SPATA6L: variants seen among roughly 807,000 people sequenced by gnomAD.
SPATA6L encodes spermatogenesis associated 6-like protein.
In SPATA6L, 68 loss-of-function variants were observed where a neutral mutation model predicts 49.2. That is an observed-to-expected ratio of 1.38 (90% confidence interval 1.14 to 1.69). The LOEUF (loss-of-function observed/expected upper bound fraction) is 1.69. Among genes scored for constraint, SPATA6L ranks in the 40% most tolerant of loss-of-function variants. SPATA6L has a pLI of 0.00. For synonymous variants in SPATA6L, 198 were observed against 165.7 expected, an observed-to-expected ratio of 1.19 and a Z score of -1.50; for missense variants, 668 against 464.3, an observed-to-expected ratio of 1.44 and a Z score of -4.03.
chr9:4,644,061 C>A (rs879726965), intron 3 of SPATA6L, among the ~76,000 whole-genome samples: 6 of 151,422 alleles, frequency 4.0e-5, no homozygotes, highest in Admixed American at 4.0e-4. Context: ...GAAATGACAA[C>A]ATAGGCAAGG....
At position 4,598,648 on chromosome 9, in the gene SPATA6L, T is replaced by A. The variant is rs147473114; in HGVS notation, c.*2163A>T. 4.2e-4 allele frequency among the ~76,000 whole-genome samples: 64 copies of A among 152,348 alleles called. 2 individuals are homozygous for A. The East Asian group carries it at 0.012, about 28-fold the overall frequency. On this transcript the variant is annotated 3_prime_UTR_variant, in exon 12 of 12. Transcript: ENST00000682582. Reference sequence around the variant, plus strand: ...ATTTCAAAAAACACTGAATATTGAATGTCATGGTGTATATTTTAACAATAA... The same window carrying A: ...ATTTCAAAAAACACTGAATATTGAAAGTCATGGTGTATATTTTAACAATAA...
Position 4,661,933 on chromosome 9 carries a change from G to T in SPATA6L, c.143C>A (p.Pro48His). Residue 48 changes from proline (P) to histidine (H), a missense_variant, in exon 2 of 12, where the codon CCC becomes CAC. Transcript: ENST00000682582. ...TCTCATGCTCTCCTGAATCATAATG[G>T]GGAACGCAGAGGGAAAGCTGTTGGT... ...LETNSFPSAFPIMIQESMRFE... is the reference protein window; with the variant it reads ...LETNSFPSAFHIMIQESMRFE... 6.2e-7 allele frequency: 1 copy of T among 1,613,812 alleles called. No homozygotes were observed. The highest frequency in any genetic ancestry group is 8.5e-7 in the Non-Finnish European group (1 of 1,179,840).
At chr9:4,659,658 C>T (rs1382983965) in intron 2 of SPATA6L, among the ~76,000 whole-genome samples, 2 of 152,116 alleles carry the variant, frequency 1.3e-5, no homozygotes, top group East Asian at 3.8e-4. Flanking sequence ...TGACTTTCTT[C>T]ACAGAATTGG....
chr9:4,606,302 C>G (rs968400917), intron 9 of SPATA6L, among the ~76,000 whole-genome samples: 2 of 143,504 alleles, frequency 1.4e-5, no homozygotes, highest in Non-Finnish European at 3.0e-5. Context: ...CACCACAGCT[C>G]AAGGAGGCCT....
rs1375347326 is a variant in SPATA6L, at chr9:4,625,436, G to A, written c.560C>T (p.Pro187Leu). Residue 187 changes from proline to leucine, a missense_variant, in exon 6 of 12, where the codon CCC becomes CTC. Coordinates refer to ENST00000682582, the MANE Select transcript of SPATA6L (RefSeq NM_001353486.2). ...RLPKGMQARA[P>L]SQYSTRHFFQ... is the part of the protein sequence containing the mutation. ...GAAATGCCTGGTAGAATATTGAGAGGGCGCCCGGGCTTGCATGCCTTTGGG... is the reference window on the plus strand; with the variant it reads ...GAAATGCCTGGTAGAATATTGAGAGAGCGCCCGGGCTTGCATGCCTTTGGG... The A allele has an allele frequency of 1.2e-6, 2 of 1,614,120 alleles. No homozygotes were observed. The highest frequency in any genetic ancestry group is 1.7e-5 in the Admixed American group (1 of 60,008).
chr9:4,621,329 C>G (rs530179663), intron 7 of SPATA6L, among the ~76,000 whole-genome samples: 1 of 152,326 alleles, frequency 6.6e-6, no homozygotes, highest in East Asian at 1.9e-4. Flanking sequence ...GTACCCAAGA[C>G]CTTTCAGGAG....
intron 9 of SPATA6L, among the ~76,000 whole-genome samples, chr9:4,608,882 AATAG>A (rs1361419044): frequency 1.6e-4 from 25 of 152,196 alleles, no homozygotes; most frequent in African/African-American, 4.6e-4. Flanking sequence ...GGATCAACAA[AATAG>A]ATAGACCACT....
chr9:4,643,523 T>A (rs1401285297), intron 3 of SPATA6L, among the ~76,000 whole-genome samples: 1 of 151,972 alleles, frequency 6.6e-6, no homozygotes, highest in Non-Finnish European at 1.5e-5. Flanking sequence ...AAAATCTAAA[T>A]GCTCAACAAT....
At chr9:4,613,640 G>A (rs550711944) in intron 9 of SPATA6L, among the ~76,000 whole-genome samples, 1 of 152,070 alleles carries the variant, frequency 6.6e-6, no homozygotes, top group African/African-American at 2.4e-5. Flanking sequence ...CTGGAGTGCA[G>A]TGGCGCTACC....
At chr9:4,655,912 G>A (rs1260340485) in intron 3 of SPATA6L, 129 bp downstream of exon 3, 15 of 750,916 alleles carry the variant, frequency 2.0e-5, no homozygotes, top group South Asian at 3.6e-5. Flanking sequence ...CAAATTTTAC[G>A]TAGGCTGTCT....
chr9:4,657,001 C>A (rs114955846), intron 2 of SPATA6L, among the ~76,000 whole-genome samples: 7,385 of 152,030 alleles, frequency 0.049, 424 homozygotes, highest in African/African-American at 0.12. Flanking sequence ...TTAAGTGTAT[C>A]GTGAAGCACA....
chr9:4,662,916 G>T lies in SPATA6L; in HGVS notation c.40-880C>A. The T allele has an allele frequency of 6.2e-7, 1 of 1,609,960 alleles. No homozygotes were observed. On this transcript the variant is annotated intron_variant, in intron 1 of 11. Coordinates refer to ENST00000682582, the MANE Select transcript of SPATA6L (RefSeq NM_001353486.2). The surrounding 1 kb of genome is among the most constrained non-coding windows in gnomAD (Gnocchi z 4.9). ...CCTGCTGTTGGACCTGCTGCTGGTG[G>T]CCTTGATCAAAGGGCTGGTCCGCAG...
Position 4,644,820 on chromosome 9 carries a change from C to A in SPATA6L, c.227-9421G>T, listed in dbSNP as rs200283739. Among the ~76,000 whole-genome samples, 17 of 152,256 alleles carry A rather than the reference C, an allele frequency of 1.1e-4. No homozygotes were observed. In the East Asian group the frequency reaches 3.1e-3, roughly 28 times the overall value. On this transcript the variant is annotated intron_variant, in intron 3 of 11. Transcript: ENST00000682582. ...GGGTGGCAGGTCCTAACCTCTCTCACCAGCTCAGGTCTTATGTCACTCAAG... is the reference window on the plus strand; with the variant it reads ...GGGTGGCAGGTCCTAACCTCTCTCAACAGCTCAGGTCTTATGTCACTCAAG...
chr9:4,624,727 C>CAAA (rs58455568), intron 6 of SPATA6L, among the ~76,000 whole-genome samples: 2 of 72,498 alleles, frequency 2.8e-5, no homozygotes, highest in African/African-American at 4.4e-5. Context: ...GACTCTGTCT[C>CAAA]AAAAAAAAAA....
At chr9:4,590,268 T>A (rs577532487) in intron 13 of SPATA6L, among the ~76,000 whole-genome samples, 1 of 152,154 alleles carries the variant, frequency 6.6e-6, no homozygotes, top group Non-Finnish European at 1.5e-5. Flanking sequence ...TGAGTGTACC[T>A]AAGTGTATAA....
chr9:4,591,013 G>A (rs1488698255), intron 13 of SPATA6L, among the ~76,000 whole-genome samples: 2 of 152,190 alleles, frequency 1.3e-5, no homozygotes, highest in Admixed American at 6.5e-5. Flanking sequence ...CAGGGTCAAG[G>A]GTCTGGCTGC....
intron 11 of SPATA6L, among the ~76,000 whole-genome samples, chr9:4,602,452 G>A (rs1464164774): frequency 6.6e-6 from 1 of 152,172 alleles, no homozygotes; most frequent in African/African-American, 2.4e-5. Flanking sequence ...TAAAGGTGGG[G>A]AGCCCTGGCC....
intron 6 of SPATA6L, among the ~76,000 whole-genome samples, chr9:4,624,047 C>T (rs1252182177): frequency 1.3e-5 from 2 of 152,208 alleles, no homozygotes; most frequent in African/African-American, 4.8e-5. Flanking sequence ...AGCACCTTCA[C>T]TTCGAGATTT....
At chr9:4,619,479 G>T (rs1414351108) in intron 7 of SPATA6L, among the ~76,000 whole-genome samples, 2 of 152,090 alleles carry the variant, frequency 1.3e-5, no homozygotes, top group African/African-American at 4.8e-5. Flanking sequence ...AGCACATGTG[G>T]AAGGGAGAAG....
Sources: gnomAD v4.1 joint callset for allele counts (sites outside exome capture counted in the v4.1 genomes callset) on GRCh38, gnomAD v4.1.1 for gene constraint, Gnocchi (gnomAD v3.1) non-coding constraint, MANE v1.5 for transcripts, NCBI Gene and HGNC (gene_info 2026-07-23, HGNC 2026-07-21) for gene names.